The following SIMC1 variants were observed in gnomAD, a reference collection of about 807,000 sequenced individuals.
SIMC1 encodes SUMO interacting motifs containing 1, also known as SUMO-interacting motif-containing protein 1.
In SIMC1, 55 loss-of-function variants were observed where a neutral mutation model predicts 82.3. The observed-to-expected ratio is 0.67, with a 90% CI of 0.54 to 0.84. The LOEUF is 0.84. SIMC1 is among the 40% of genes least tolerant of loss of function. The pLI is 0.00. For synonymous variants in SIMC1, 353 were observed against 426.3 expected (o/e 0.83, Z 2.12); for missense variants, 915 against 1,107.2 (o/e 0.83, Z 2.46).
intron 7 of SIMC1, among the ~76,000 whole-genome samples, chr5:176,324,958 G>A (rs1349045931): frequency 2.0e-5 from 3 of 152,136 alleles, no homozygotes; most frequent in Non-Finnish European, 4.4e-5. Flanking sequence ...TTGGAAAGGA[G>A]GTTCTCAACT....
chr5:176,242,832 C>G (rs1256091597), intron 1 of SIMC1, among the ~76,000 whole-genome samples: 1 of 151,924 alleles, frequency 6.6e-6, no homozygotes, highest in African/African-American at 2.4e-5. Flanking sequence ...TCTATGAAAA[C>G]CAAGTCCCTG....
At chr5:176,287,812 A>T (rs1763364617) in intron 1 of SIMC1, among the ~76,000 whole-genome samples, 1 of 152,116 alleles carries the variant, frequency 6.6e-6, no homozygotes, top group Admixed American at 6.5e-5. Context: ...TAAATCAAGT[A>T]TATTTATATT....
chr5:176,323,803 G>A (rs895567783), intron 6 of SIMC1, among the ~76,000 whole-genome samples: 12 of 151,988 alleles, frequency 7.9e-5, no homozygotes, highest in Admixed American at 2.6e-4. Context: ...TGGCTAACAC[G>A]GTGAAACCCC....
At chr5:176,246,684 A>G (rs889622427) in intron 1 of SIMC1, among the ~76,000 whole-genome samples, 2 of 151,998 alleles carry the variant, frequency 1.3e-5, no homozygotes, top group African/African-American at 2.4e-5. Context: ...ATAGGTATAC[A>G]CATGCCATGG....
At chr5:176,247,689 A>G (rs1761495545) in intron 1 of SIMC1, among the ~76,000 whole-genome samples, 1 of 151,914 alleles carries the variant, frequency 6.6e-6, no homozygotes, top group East Asian at 1.9e-4. Flanking sequence ...GCCCATGCCT[A>G]TGTCCTGAAT....
intron 1 of SIMC1, among the ~76,000 whole-genome samples, chr5:176,287,250 C>T (rs964035601): frequency 6.6e-5 from 10 of 152,162 alleles, no homozygotes; most frequent in African/African-American, 2.2e-4. Flanking sequence ...CAATGATACA[C>T]TGGATTAAGA....
At chr5:176,334,368 C>T (rs1765795597) in intron 7 of SIMC1, among the ~76,000 whole-genome samples, 1 of 152,118 alleles carries the variant, frequency 6.6e-6, no homozygotes, top group Non-Finnish European at 1.5e-5. Context: ...AGGTTGGTTC[C>T]ACAGCAGCCC....
rs879815746 is a variant in SIMC1 at position 176,246,408 on chromosome 5, GT to G, written c.129+7772del. Among the ~76,000 whole-genome samples, 178 of 55,284 alleles carry G rather than the reference GT, an allele frequency of 3.2e-3. No individual in the cohort carries two copies. In the Middle Eastern group the frequency reaches 0.045, roughly 14 times the overall value. The allele number at this position is 55,284 out of a possible 152,430, so 36.3% of individuals were successfully genotyped here. ...AATCAGCTTGTATAATAGTTCAGGG[GT>G]GTGTGTGTGTGTGTGTGTGTGTGTG... On this transcript the variant is annotated intron_variant, in intron 1 of 9. Coordinates refer to ENST00000429602, the MANE Select transcript of SIMC1 (RefSeq NM_001308195.2).
chr5:176,326,527 C>G (rs1765400338), intron 7 of SIMC1, among the ~76,000 whole-genome samples: 1 of 151,966 alleles, frequency 6.6e-6, no homozygotes, highest in Admixed American at 6.6e-5. Context: ...GCCACCGCAC[C>G]CAACCTTATT....
intron 1 of SIMC1, among the ~76,000 whole-genome samples, chr5:176,272,633 G>A (rs965918615): frequency 6.6e-6 from 1 of 152,200 alleles, no homozygotes; most frequent in Non-Finnish European, 1.5e-5. Flanking sequence ...GAAGCAGGGT[G>A]AGGCTTTGCC....
intron 9 of SIMC1, among the ~76,000 whole-genome samples, chr5:176,340,224 C>T (rs751620122): frequency 4.6e-5 from 7 of 152,202 alleles, no homozygotes; most frequent in Non-Finnish European, 1.0e-4. Context: ...AAATGCAGAG[C>T]TAGGATTCAA....
intron 1 of SIMC1, among the ~76,000 whole-genome samples, chr5:176,288,778 G>T (rs1763410080): frequency 6.6e-6 from 1 of 152,114 alleles, no homozygotes; most frequent in African/African-American, 2.4e-5. Flanking sequence ...CTAGCCTCAG[G>T]GCCCTAAAGT....
rs1765293132 is a variant in SIMC1, at chr5:176,324,551, G to A, written c.2043-78G>A. ...TAGTCTCTACTCTCGATGTACACTG[G>A]TGGGGACCTCCTCCCAGCCAGAGAG... On this transcript the variant is annotated intron_variant, in intron 6 of 9. Coordinates refer to ENST00000429602, the MANE Select transcript of SIMC1 (RefSeq NM_001308195.2). 6.0e-6 allele frequency: 9 copies of A among 1,493,368 alleles called. No individual in the cohort carries two copies. In the South Asian group the frequency reaches 7.6e-5, roughly 13 times the overall value. The allele number at this position is 1,493,368 out of a possible 1,614,324, so 92.5% of individuals were successfully genotyped here.
intron 1 of SIMC1, among the ~76,000 whole-genome samples, chr5:176,282,544 G>A (rs896707935): frequency 6.6e-6 from 1 of 152,074 alleles, no homozygotes; most frequent in Admixed American, 6.6e-5. Flanking sequence ...GGGAGCTGTA[G>A]ACCGGAGCTG....
chr5:176,311,178 CA>C (rs1327708308), intron 4 of SIMC1, among the ~76,000 whole-genome samples: 1 of 152,098 alleles, frequency 6.6e-6, no homozygotes, highest in Non-Finnish European at 1.5e-5. Flanking sequence ...AGGTTTACTA[CA>C]AATCATTGAA....
At chr5:176,336,645 T>C (rs1561734317) in intron 7 of SIMC1, 75 bp from the exon 8 acceptor site, 1 of 1,558,550 alleles carries the variant, frequency 6.4e-7, no homozygotes, top group Non-Finnish European at 8.7e-7. Context: ...TGTTGTACAT[T>C]CAGGGTGAAT....
chr5:176,298,855 C>A (rs1361886136), intron 4 of SIMC1, among the ~76,000 whole-genome samples: 11 of 151,610 alleles, frequency 7.3e-5, no homozygotes, highest in Admixed American at 6.6e-4. Flanking sequence ...CAAAGCATGT[C>A]ACTACAAAAA....
chr5:176,276,872 A>C (rs1473929673), intron 1 of SIMC1, among the ~76,000 whole-genome samples: 2 of 148,818 alleles, frequency 1.3e-5, no homozygotes, highest in African/African-American at 2.5e-5. Flanking sequence ...GTTGGTTCCA[A>C]GTCTTTGCTA....
At chr5:176,242,928 A>C (rs1761318888) in intron 1 of SIMC1, among the ~76,000 whole-genome samples, 2 of 152,112 alleles carry the variant, frequency 1.3e-5, no homozygotes, top group South Asian at 4.1e-4. Flanking sequence ...ACAGAGTGTT[A>C]GGGGAAAAAA....
Sources: gnomAD v4.1 joint callset for allele counts (sites outside exome capture counted in the v4.1 genomes callset) on GRCh38, gnomAD v4.1.1 for gene constraint, MANE v1.5 for transcripts, NCBI Gene and HGNC (gene_info 2026-07-23, HGNC 2026-07-21) for gene names.